STAU1: variants seen among roughly 807,000 people sequenced by gnomAD.
The protein encoded by STAU1 is staufen double-stranded RNA binding protein 1.
STAU1 carries 13 observed loss-of-function variants against 62.9 expected under a neutral mutation model. The observed-to-expected ratio is 0.21, with a 90% CI of 0.13 to 0.33. The LOEUF is 0.33. STAU1 is among the 10% of genes least tolerant of loss of function. The pLI, the probability that STAU1 is intolerant of heterozygous loss-of-function variation, is 1.00. For synonymous variants in STAU1, 269 were observed against 265.1 expected, an observed-to-expected ratio of 1.01 and a Z score of -0.14; for missense variants, 571 against 712.1, an observed-to-expected ratio of 0.80 and a Z score of 2.25.
intron 1 of STAU1, among the ~76,000 whole-genome samples, chr20:49,174,971 C>A (rs2093641519): frequency 6.7e-6 from 1 of 149,240 alleles, no homozygotes; most frequent in African/African-American, 2.5e-5. Context: ...CCACCCTGGC[C>A]AACATGGGGA....
At chr20:49,196,921 C>T in the STAU1 span, among the ~76,000 whole-genome samples, 1 of 152,096 alleles carries the variant, frequency 6.6e-6, no homozygotes, top group Non-Finnish European at 1.5e-5. Context: ...CTTTGGGAGG[C>T]CGAGGCAGGC....
intron 3 of STAU1, among the ~76,000 whole-genome samples, chr20:49,164,731 C>T (rs1038460744): frequency 2.6e-5 from 4 of 151,976 alleles, no homozygotes; most frequent in Non-Finnish European, 5.9e-5. Context: ...CTCACACTAC[C>T]GTACTCCAGC....
At chr20:49,131,083 G>A (rs1179710383) in intron 6 of STAU1, among the ~76,000 whole-genome samples, 5 of 152,102 alleles carry the variant, frequency 3.3e-5, no homozygotes, top group African/African-American at 1.2e-4. Context: ...TGGTGATCCT[G>A]CCAAAAAACA....
chr20:49,197,653 C>T, the STAU1 span, among the ~76,000 whole-genome samples: 62 of 152,114 alleles, frequency 4.1e-4, no homozygotes, highest in Non-Finnish European at 5.1e-4. Flanking sequence ...CCAACCTCCT[C>T]GGCCTCCCAA....
chr20:49,159,715 C>T (rs1252195929), intron 3 of STAU1, among the ~76,000 whole-genome samples: 1 of 152,124 alleles, frequency 6.6e-6, no homozygotes, highest in Non-Finnish European at 1.5e-5. Flanking sequence ...TGCGCACCAC[C>T]ACATCCAGCT....
chr20:49,141,485 G>A (rs1306421740), intron 5 of STAU1, among the ~76,000 whole-genome samples: 1 of 152,150 alleles, frequency 6.6e-6, no homozygotes, highest in African/African-American at 2.4e-5. Context: ...CAGCTACTGG[G>A]GTGGCTGAAG....
the STAU1 span, among the ~76,000 whole-genome samples, chr20:49,195,918 G>GAAAAAAAAAAAAA: frequency 1.3e-5 from 1 of 74,428 alleles, no homozygotes; most frequent in Non-Finnish European, 2.8e-5. Context: ...AAAAAAAAAA[G>GAAAAAAAAAAAAA]AAAAAAGAAA....
At position 49,124,367 on chromosome 20, in the gene STAU1, G is replaced by A. The variant is rs1427394235; in HGVS notation, c.822+8C>T. 2 of 1,613,114 alleles carry A rather than the reference G, an allele frequency of 1.2e-6. No homozygotes were observed. Among genetic ancestry groups the A allele is most frequent in the Admixed American group, 3.3e-5 (2 of 59,736 alleles). On this transcript the variant is annotated splice_region_variant and intron_variant, in intron 7 of 13. Transcript: ENST00000371856. Reference sequence around the variant, plus strand: ...GAAAACACCTTCTGTGTTCAGAAAAGTTCTCACCTTGACTATGGGTTTTGT... The same window carrying A: ...GAAAACACCTTCTGTGTTCAGAAAAATTCTCACCTTGACTATGGGTTTTGT...
At chr20:49,159,505 A>C (rs1323492572) in intron 3 of STAU1, among the ~76,000 whole-genome samples, 8 of 152,224 alleles carry the variant, frequency 5.3e-5, no homozygotes, top group Admixed American at 5.2e-4. Flanking sequence ...GTCTGCAAAA[A>C]AATCCTGGAG....
the STAU1 span, among the ~76,000 whole-genome samples, chr20:49,213,435 G>T: frequency 6.6e-6 from 1 of 151,982 alleles, no homozygotes; most frequent in African/African-American, 2.4e-5. Flanking sequence ...TCACCATGTT[G>T]GTCAGGCTAG....
chr20:49,135,770 A>C (rs376248998), intron 6 of STAU1, 63 bp downstream of exon 6: 1 of 1,237,532 alleles, frequency 8.1e-7, no homozygotes, highest in African/African-American at 1.5e-5. Context: ...GGAAAAAATA[A>C]CTCTTATGAT....
At chr20:49,183,692 G>A (rs1298052521) in intron 1 of STAU1, among the ~76,000 whole-genome samples, 3 of 152,132 alleles carry the variant, frequency 2.0e-5, no homozygotes, top group African/African-American at 4.8e-5. Context: ...ACTTTAGAAT[G>A]GGGATGGAGG....
At position 49,117,357 on chromosome 20, in the gene STAU1, C is replaced by T; in HGVS notation, c.1510-109G>A. The T allele has an allele frequency of 1.4e-6, 2 of 1,383,762 alleles. No homozygotes were observed. The highest frequency in any genetic ancestry group is 1.3e-5 in the South Asian group (1 of 75,722). 85.7% of individuals were successfully genotyped at this position (1,383,762 alleles called of 1,614,324 possible). A position where few individuals can be genotyped will look rare whatever the true frequency, so the allele number is the denominator to read the frequency against. ...CAAGATCACCAGCTCTTTTTTCCAACTCAGCCCCACTGTGGCCATACTAAC... is the reference window on the plus strand; with the variant it reads ...CAAGATCACCAGCTCTTTTTTCCAATTCAGCCCCACTGTGGCCATACTAAC... On this transcript the variant is annotated intron_variant, in intron 11 of 13. Coordinates refer to ENST00000371856, the MANE Select transcript of STAU1 (RefSeq NM_017453.4). This position sits in a 1 kb window ranked among gnomAD's most constrained non-coding sequence, Gnocchi z 4.6.
At position 49,151,764 on chromosome 20, in the gene STAU1, G is replaced by A. The variant is rs764444512; in HGVS notation, c.345-17C>T. The stretch of plus-strand genomic sequence containing the variant: ...TAAAAGTACCTAGAAATAAAAGGAG[G>A]TTAGGCAAATTACAGTCTCAAGTTG... On this transcript the variant is annotated splice_polypyrimidine_tract_variant and intron_variant, in intron 4 of 13. Coordinates refer to ENST00000371856, the MANE Select transcript of STAU1 (RefSeq NM_017453.4). 25 of 1,600,432 alleles carry A rather than the reference G, an allele frequency of 1.6e-5. No homozygotes were observed. The highest frequency in any genetic ancestry group is 2.1e-5 in the Non-Finnish European group (25 of 1,175,750).
At position 49,118,408 on chromosome 20, in the gene STAU1, T is replaced by C. The variant is rs904584019; in HGVS notation, c.1114A>G (p.Thr372Ala). Residue 372 changes from threonine (T) to alanine (A), a missense_variant and splice_region_variant, in exon 10 of 14, where the codon ACA becomes GCA. Physicochemically the swap from Thr to Ala is moderately conservative, Grantham distance 58. Transcript: ENST00000371856. ...TKPALKSEEK[T>A]PIKKPGDGRK... is the part of the protein sequence containing the mutation. ...CCATCCCCTGGTTTCTTTATGGGTG[T>C]CTTAAAAAAGAAGAAGAAAAAAAAA... is the stretch of plus-strand genomic sequence containing the variant. 3.7e-6 allele frequency: 6 copies of C among 1,603,102 alleles called. No individual in the cohort carries two copies. The highest frequency in any genetic ancestry group is 5.1e-6 in the Non-Finnish European group (6 of 1,176,196).
At chr20:49,166,375 G>A in intron 2 of STAU1, 90 bp from the exon 3 acceptor site, 1 of 605,804 alleles carries the variant, frequency 1.7e-6, no homozygotes, top group Non-Finnish European at 2.9e-6. Context: ...GTCACCTACT[G>A]ACTTATGAAA....
intron 2 of STAU1, among the ~76,000 whole-genome samples, chr20:49,169,715 T>C (rs1338809167): frequency 1.3e-5 from 2 of 152,208 alleles, no homozygotes; most frequent in Non-Finnish European, 2.9e-5. Context: ...TGTGTTGTGC[T>C]GCCATTTTCC....
At chr20:49,166,861 T>C (rs1278293873) in intron 2 of STAU1, among the ~76,000 whole-genome samples, 1 of 152,142 alleles carries the variant, frequency 6.6e-6, no homozygotes, top group Non-Finnish European at 1.5e-5. Flanking sequence ...CCTAAAAGGC[T>C]TGTTTGAGGT....
rs1030648656 is a variant in STAU1 at position 49,151,743 on chromosome 20, A to C, written c.349T>G (p.Phe117Val). 6.2e-7 allele frequency: 1 copy of C among 1,608,080 alleles called. No individual in the cohort carries two copies. The highest frequency in any genetic ancestry group is 8.5e-7 in the Non-Finnish European group (1 of 1,178,302). Residue 117 changes from phenylalanine to valine, a missense_variant, in exon 5 of 14, where the codon TTT (phenylalanine) becomes GTT (valine). Phe to Val is a conservative substitution (Grantham distance 50). Transcript: ENST00000371856. ...MRGGAYPPRY[F>V]YPFPVPPLLY... ...AAAGGTGGAACTGGAAATGGGTAAA[A>C]GTACCTAGAAATAAAAGGAGGTTAG...
Sources: allele counts gnomAD v4.1 joint callset (sites outside exome capture counted in the v4.1 genomes callset), GRCh38; gene constraint gnomAD v4.1.1; non-coding constraint Gnocchi (gnomAD v3.1); transcripts MANE v1.5; gene names NCBI Gene and HGNC (gene_info 2026-07-23, HGNC 2026-07-21).